MARCHF6: variants seen among roughly 807,000 people sequenced by gnomAD.
The protein encoded by MARCHF6 is E3 ubiquitin-protein ligase MARCHF6.
A neutral mutation model predicts 133.7 loss-of-function variants in MARCHF6; 31 were observed. That is an observed-to-expected ratio of 0.23 (90% CI 0.17 to 0.31). The LOEUF is 0.31. MARCHF6 is among the 10% of genes least tolerant of loss of function. The pLI, the probability that MARCHF6 is intolerant of heterozygous loss-of-function variation, is 1.00. For missense variants in MARCHF6, 723 were observed against 1,121.6 expected, an observed-to-expected ratio of 0.64 and a Z score of 5.08; for synonymous variants, 395 against 402.5, an observed-to-expected ratio of 0.98 and a Z score of 0.22.
At chr5:10,376,184 C>T (rs1736769224) in intron 1 of MARCHF6, among the ~76,000 whole-genome samples, 1 of 152,304 alleles carries the variant, frequency 6.6e-6, no homozygotes, top group African/African-American at 2.4e-5. Context: ...TGCTACTGCT[C>T]ACTCTTTGGG....
chr5:10,434,707 G>C lies in MARCHF6; in HGVS notation c.*1023G>C, dbSNP rs1418325266. ...TTAGAGAAGACTGGTTAGAACATCT[G>C]GTCTCGCTGGTTAGTGCCTCGTTGG... On this transcript the variant is annotated 3_prime_UTR_variant, in exon 26 of 26. Transcript: ENST00000274140. 6.6e-6 allele frequency: 1 copy of C among 152,508 alleles called. No homozygotes were observed. Among genetic ancestry groups the C allele is most frequent in the African/African-American group, 2.4e-5 (1 of 41,398 alleles). The allele number at this position is 152,508 out of a possible 1,614,324, so 9.4% of individuals were successfully genotyped here.
chr5:10,415,388 A>T lies in MARCHF6; in HGVS notation c.1967-100A>T. ...TGAAGACATTGATATATCGAATGTG[A>T]TATCTTTTTCCTAATGTGAAAATAC... On this transcript the variant is annotated intron_variant, in intron 20 of 25. Transcript: ENST00000274140. 4.7e-6 allele frequency: 5 copies of T among 1,073,664 alleles called. No individual in the cohort carries two copies. In the South Asian group the frequency reaches 6.1e-5, roughly 13 times the overall value. The allele number at this position is 1,073,664 out of a possible 1,614,324, so 66.5% of individuals were successfully genotyped here. A position where few individuals can be genotyped will look rare whatever the true frequency, so the allele number is the denominator to read the frequency against.
chr5:10,388,989 G>C (rs1311569440), intron 5 of MARCHF6, among the ~76,000 whole-genome samples: 1 of 152,148 alleles, frequency 6.6e-6, no homozygotes, highest in African/African-American at 2.4e-5. Context: ...GTGGTAGTTA[G>C]GATTCCTCTT....
chr5:10,370,691 T>C (rs1339659497), intron 1 of MARCHF6, among the ~76,000 whole-genome samples: 1 of 152,206 alleles, frequency 6.6e-6, no homozygotes, highest in Non-Finnish European at 1.5e-5. Flanking sequence ...TTTTTTAGTT[T>C]TCTTACTGTT....
rs561000989 is a variant in MARCHF6, at chr5:10,402,003, C to T, written c.973-56C>T. ...TTTAGATTGTTTAATATGGGAAAAC[C>T]GGGGTGTAGAACATGTTGTAAAATT... On this transcript the variant is annotated intron_variant, in intron 11 of 25. Coordinates refer to ENST00000274140, the MANE Select transcript of MARCHF6 (RefSeq NM_005885.4). 54 of 983,200 alleles carry T rather than the reference C, an allele frequency of 5.5e-5. No individual in the cohort carries two copies. The South Asian group carries it at 6.4e-4, about 12-fold the overall frequency. The allele number at this position is 983,200 out of a possible 1,614,324, so 60.9% of individuals were successfully genotyped here.
At position 10,423,729 on chromosome 5, in the gene MARCHF6, C is replaced by T. The variant is rs1361838024; in HGVS notation, c.2284-6C>T. 1.3e-6 allele frequency: 2 copies of T among 1,599,312 alleles called. No individual in the cohort carries two copies. Among genetic ancestry groups the T allele is most frequent in the Admixed American group, 3.3e-5 (2 of 59,790 alleles). On this transcript the variant is annotated splice_polypyrimidine_tract_variant and splice_region_variant and intron_variant, in intron 22 of 25. Transcript: ENST00000274140. ...GAAATATGTTAAATGGTTTTTAATT[C>T]CCTAGGACTGGGCACTTGGAGTCCT...
At chr5:10,414,868 T>G (rs548831570) in intron 20 of MARCHF6, among the ~76,000 whole-genome samples, 3 of 152,340 alleles carry the variant, frequency 2.0e-5, no homozygotes, top group South Asian at 2.1e-4. Context: ...CCGAACAACT[T>G]TTTGTATGAG....
At chr5:10,414,399 T>G (rs765426976) in intron 19 of MARCHF6, 34 bp from the exon 20 acceptor site, 1 of 1,238,026 alleles carries the variant, frequency 8.1e-7, no homozygotes, top group East Asian at 2.4e-5. Flanking sequence ...GCACGTGTTC[T>G]CTATTTATGC....
intron 4 of MARCHF6, among the ~76,000 whole-genome samples, chr5:10,382,864 G>A (rs1489558547): frequency 1.3e-5 from 2 of 152,062 alleles, no homozygotes; most frequent in Admixed American, 6.6e-5. Flanking sequence ...ACTCATACAT[G>A]TAATGGTCAT....
intron 17 of MARCHF6, among the ~76,000 whole-genome samples, chr5:10,408,376 C>A (rs1006255357): frequency 1.1e-4 from 17 of 152,194 alleles, no homozygotes; most frequent in African/African-American, 3.9e-4. Flanking sequence ...CTTGTCTCAG[C>A]ATTGACTGAC....
In MARCHF6 at chr5:10,432,393, A is replaced by C. The variant is rs149000430; in HGVS notation, c.2643-1201A>C. Among the ~76,000 whole-genome samples the C allele has an allele frequency of 1.4e-3, 209 of 152,288 alleles. 1 individual carries two copies. In the East Asian group the frequency reaches 0.028, roughly 21 times the overall value. Reference sequence around the variant, plus strand: ...GTTTCACTCTCCCTCAGTCTCCTTCACTCAACTCTGTGGGCTTTTACTGGA... The same window carrying C: ...GTTTCACTCTCCCTCAGTCTCCTTCCCTCAACTCTGTGGGCTTTTACTGGA... On this transcript the variant is annotated intron_variant, in intron 25 of 25. Coordinates refer to ENST00000274140, the MANE Select transcript of MARCHF6 (RefSeq NM_005885.4).
At chr5:10,395,001 A>G (rs1011987481) in intron 9 of MARCHF6, among the ~76,000 whole-genome samples, 2 of 152,000 alleles carry the variant, frequency 1.3e-5, no homozygotes, top group African/African-American at 2.4e-5. Flanking sequence ...GGGTTTCACC[A>G]TGTTAGCCAG....
chr5:10,353,932 C>T lies in MARCHF6; in HGVS notation c.19+15C>T, dbSNP rs1735263159. On this transcript the variant is annotated intron_variant, in intron 1 of 25. Transcript: ENST00000274140. ...CGCGGAGGAAGGTAAGTCGGCGACG[C>T]GCGGCGCCCGAGCCCTTGCGTCGGC... 2 of 1,549,116 alleles carry T rather than the reference C, an allele frequency of 1.3e-6. No homozygotes were observed. Among genetic ancestry groups the T allele is most frequent in the Middle Eastern group, 1.7e-4 (1 of 5,828 alleles).
At chr5:10,417,600 G>A (rs149402914) in intron 22 of MARCHF6, 196 bp downstream of exon 22, 19 of 617,156 alleles carry the variant, frequency 3.1e-5, no homozygotes, top group Admixed American at 6.4e-5. Context: ...TGGCTCATGC[G>A]TCTGGTCCCA....
chr5:10,387,629 C>G (rs572711048), intron 5 of MARCHF6, among the ~76,000 whole-genome samples: 1 of 151,932 alleles, frequency 6.6e-6, no homozygotes, highest in Non-Finnish European at 1.5e-5. Flanking sequence ...TAGGCTGTCA[C>G]GCAGTTTGAG....
chr5:10,376,647 G>A (rs1170118827), intron 1 of MARCHF6, among the ~76,000 whole-genome samples: 2 of 152,174 alleles, frequency 1.3e-5, no homozygotes, highest in South Asian at 2.1e-4. Flanking sequence ...TTAGGCTCTG[G>A]ATTGCCCAGC....
intron 4 of MARCHF6, 97 bp from the exon 5 acceptor site, chr5:10,386,897 C>A: frequency 1.2e-6 from 1 of 836,436 alleles, no homozygotes; most frequent in Non-Finnish European, 2.1e-6. Flanking sequence ...ATTTCAGTGG[C>A]ATTTGTGGCG....
At position 10,407,084 on chromosome 5, in the gene MARCHF6, C is replaced by T. The variant is rs779370246; in HGVS notation, c.1453-18C>T. ...GATTGACTCTTATAGTGGTGTCATA[C>T]CCTGTTTCCTTCTGCAGATTGTCTT... On this transcript the variant is annotated intron_variant, in intron 16 of 25. Coordinates refer to ENST00000274140, the MANE Select transcript of MARCHF6 (RefSeq NM_005885.4). 9.0e-6 allele frequency: 13 copies of T among 1,447,492 alleles called. No homozygotes were observed. Among genetic ancestry groups the T allele is most frequent in the Non-Finnish European group, 1.2e-5 (12 of 1,030,408 alleles). The allele number at this position is 1,447,492 out of a possible 1,614,324, so 89.7% of individuals were successfully genotyped here. A position where few individuals can be genotyped will look rare whatever the true frequency, so the allele number is the denominator to read the frequency against.
intron 1 of MARCHF6, among the ~76,000 whole-genome samples, chr5:10,359,911 C>T (rs2126640363): frequency 6.6e-6 from 1 of 152,058 alleles, no homozygotes; most frequent in East Asian, 2.0e-4. Flanking sequence ...GAGGCTGAGA[C>T]AGGAGAATGG....
Sources: allele counts gnomAD v4.1 joint callset (sites outside exome capture counted in the v4.1 genomes callset), GRCh38; gene constraint gnomAD v4.1.1; transcripts MANE v1.5; gene names NCBI Gene and HGNC (gene_info 2026-07-23, HGNC 2026-07-21).